Variants in NEGR1 observed in about 807,000 individuals in gnomAD.
NEGR1 encodes the protein IgLON family member 4.
Under a neutral mutation model 40.9 loss-of-function variants are expected in NEGR1, and 10 were observed. The observed-to-expected ratio is 0.24, with a 90% confidence interval of 0.15 to 0.42. NEGR1 has a LOEUF of 0.42. Among genes scored for constraint, NEGR1 ranks in the 10% least tolerant of loss-of-function variants. NEGR1 has a pLI of 1.00. For synonymous variants in NEGR1, 185 were observed against 166.8 expected, an observed-to-expected ratio of 1.11 and a Z score of -0.84; for missense variants, 352 against 438.9, an observed-to-expected ratio of 0.80 and a Z score of 1.77.
At chr1:72,281,198 T>C (rs1287639793) in intron 1 of NEGR1, among the ~76,000 whole-genome samples, 1 of 150,970 alleles carries the variant, frequency 6.6e-6, no homozygotes, top group Non-Finnish European at 1.5e-5. Flanking sequence ...GGGAGGAAGG[T>C]AGGAATAAAA....
chr1:71,607,908 C>T (rs1650121148), intron 5 of NEGR1, among the ~76,000 whole-genome samples: 1 of 152,114 alleles, frequency 6.6e-6, no homozygotes, highest in African/African-American at 2.4e-5. Flanking sequence ...AGGGTGGTCT[C>T]TATCTCTTGA....
At chr1:71,416,397 T>A (rs547189143) in intron 6 of NEGR1, among the ~76,000 whole-genome samples, 1 of 152,330 alleles carries the variant, frequency 6.6e-6, no homozygotes, top group African/African-American at 2.4e-5. Context: ...TTGGCATTAA[T>A]TAATGATCAA....
At chr1:71,962,875 A>T (rs1646177803) in intron 1 of NEGR1, among the ~76,000 whole-genome samples, 2 of 151,840 alleles carry the variant, frequency 1.3e-5, no homozygotes, top group Admixed American at 1.3e-4. Context: ...TGGACATCGG[A>T]TTCACCTTTG....
chr1:71,528,215 G>A (rs1317502688), intron 6 of NEGR1, among the ~76,000 whole-genome samples: 1 of 151,046 alleles, frequency 6.6e-6, no homozygotes, highest in Non-Finnish European at 1.5e-5. Flanking sequence ...GCTTGCTATG[G>A]TACTCCCATT....
At chr1:71,932,329 T>C (rs1441552530) in intron 2 of NEGR1, among the ~76,000 whole-genome samples, 1 of 152,104 alleles carries the variant, frequency 6.6e-6, no homozygotes, top group East Asian at 1.9e-4. Flanking sequence ...TTGTCTTTTT[T>C]TGACTGGTGT....
intron 2 of NEGR1, chr1:71,794,588 A>G (rs1032412861): frequency 6.6e-6 from 1 of 152,190 alleles, no homozygotes; most frequent in African/African-American, 2.4e-5. Context: ...TGCCATGTAC[A>G]TAAATAAGTT....
chr1:71,610,240 C>T (rs540825356), intron 5 of NEGR1, among the ~76,000 whole-genome samples: 3 of 152,280 alleles, frequency 2.0e-5, no homozygotes, highest in East Asian at 1.9e-4. Context: ...GAATTTCATA[C>T]GGTTTAACCT....
intron 2 of NEGR1, among the ~76,000 whole-genome samples, chr1:71,927,818 TAAAAAAAAAAA>T (rs35429988): frequency 9.7e-3 from 218 of 22,420 alleles, no homozygotes; most frequent in Non-Finnish European, 0.014. Flanking sequence ...ACCCAATCTC[TAAAAAAAAAAA>T]AAAAAAAAAA....
chr1:71,801,125 C>T (rs1347447078), intron 2 of NEGR1, among the ~76,000 whole-genome samples: 1 of 152,158 alleles, frequency 6.6e-6, no homozygotes, highest in Non-Finnish European at 1.5e-5. Flanking sequence ...TAATTGATCA[C>T]TTTGTTCCCC....
At chr1:71,634,230 CA>C (rs1361925083) in intron 4 of NEGR1, among the ~76,000 whole-genome samples, 1 of 151,992 alleles carries the variant, frequency 6.6e-6, no homozygotes, top group East Asian at 1.9e-4. Flanking sequence ...AACATAGAAA[CA>C]GAGTCATTTT....
intron 1 of NEGR1, among the ~76,000 whole-genome samples, chr1:71,942,478 TA>T (rs1645973036): frequency 2.2e-4 from 4 of 17,920 alleles, no homozygotes; most frequent in Non-Finnish European, 3.4e-4. Flanking sequence ...TATATATATA[TA>T]TATATTTTTT....
intron 3 of NEGR1, among the ~76,000 whole-genome samples, chr1:71,767,871 T>A (rs1656186028): frequency 6.6e-6 from 1 of 152,132 alleles, no homozygotes; most frequent in Non-Finnish European, 1.5e-5. Context: ...CAGACATGGC[T>A]CAAAGGGGCC....
chr1:71,780,072 G>GAA (rs1298904518), intron 2 of NEGR1, among the ~76,000 whole-genome samples: 216 of 74,032 alleles, frequency 2.9e-3, no homozygotes, highest in African/African-American at 0.013. Flanking sequence ...AAAAAAAAAA[G>GAA]AAAAAAAATA....
intron 6 of NEGR1, among the ~76,000 whole-genome samples, chr1:71,572,846 C>A (rs1397902309): frequency 1.3e-5 from 2 of 152,058 alleles, no homozygotes; most frequent in Non-Finnish European, 2.9e-5. Flanking sequence ...TTAAAGGGAC[C>A]CTAGAAGAGT....
At chr1:71,443,126 C>A (rs905191003) in intron 6 of NEGR1, among the ~76,000 whole-genome samples, 10 of 152,176 alleles carry the variant, frequency 6.6e-5, no homozygotes, top group African/African-American at 2.2e-4. Context: ...GTTCTTCATT[C>A]GCTTTAGCTA....
rs79836498 is a variant in NEGR1 at position 72,053,394 on chromosome 1, C to G, written c.177-118083G>C. ...CACCTAACAACAAGTAATCTGTCAC[C>G]TTTAAATTACAAAAATATACTTTAT... On this transcript the variant is annotated intron_variant, in intron 1 of 6. Transcript: ENST00000357731. Among the ~76,000 whole-genome samples the G allele has an allele frequency of 4.9e-4, 74 of 150,600 alleles. No individual in the cohort carries two copies. The East Asian group carries it at 0.012, about 25-fold the overall frequency.
intron 2 of NEGR1, among the ~76,000 whole-genome samples, chr1:71,878,724 A>G (rs1476508065): frequency 1.3e-5 from 2 of 152,192 alleles, no homozygotes; most frequent in African/African-American, 4.8e-5. Context: ...GTCAACAAGT[A>G]TTTAAAATAT....
intron 1 of NEGR1, among the ~76,000 whole-genome samples, chr1:72,260,705 C>G (rs116044702): frequency 0.013 from 1,919 of 152,112 alleles, 39 homozygotes; most frequent in African/African-American, 0.044. Context: ...AATAGTTGCT[C>G]AAATTGGAAT....
intron 1 of NEGR1, among the ~76,000 whole-genome samples, chr1:72,060,739 A>G (rs1647159954): frequency 6.6e-6 from 1 of 151,686 alleles, no homozygotes; most frequent in South Asian, 2.1e-4. Context: ...AAAAGTTTCC[A>G]TGTAATTAAC....
Sources: allele counts gnomAD v4.1 joint callset (sites outside exome capture counted in the v4.1 genomes callset), GRCh38; gene constraint gnomAD v4.1.1; transcripts MANE v1.5; gene names NCBI Gene and HGNC (gene_info 2026-07-23, HGNC 2026-07-21).